LRP1B: variants seen among roughly 807,000 people sequenced by gnomAD.
LRP1B encodes LDL receptor related protein 1B, also known as low-density lipoprotein receptor-related protein 1B.
Under a neutral mutation model 556.6 loss-of-function variants are expected in LRP1B, and 217 were observed. That is an observed-to-expected ratio of 0.39 (90% confidence interval 0.35 to 0.44). LRP1B has a LOEUF of 0.44. LRP1B is among the 20% of genes least tolerant of loss of function. The pLI is 1.00. For missense variants in LRP1B, 5,053 were observed against 5,620.8 expected, an observed-to-expected ratio of 0.90 and a Z score of 3.23; for synonymous variants, 2,047 against 1,865.8, an observed-to-expected ratio of 1.10 and a Z score of -2.50.
At chr2:140,755,749 C>A (rs72984111) in intron 35 of LRP1B, among the ~76,000 whole-genome samples, 2,279 of 151,932 alleles carry the variant, frequency 0.015, 49 homozygotes, top group African/African-American at 0.05. Flanking sequence ...GATATTTACC[C>A]CTTAAGATCA....
At position 140,284,012 on chromosome 2, in the gene LRP1B, A is replaced by G. The variant is rs994151631; in HGVS notation, c.12968-9414T>C. On this transcript the variant is annotated intron_variant, in intron 84 of 90. Coordinates refer to ENST00000389484, the MANE Select transcript of LRP1B (RefSeq NM_018557.3). ...GTGAATAAGCATATGAAGGCCTGAA[A>G]AAAGAATGGAAATGAAGCGTGCAAA... Among the ~76,000 whole-genome samples the G allele has an allele frequency of 3.3e-5, 5 of 151,700 alleles. No homozygotes were observed. In the Admixed American group the frequency reaches 3.3e-4, roughly 10 times the overall value.
intron 66 of LRP1B, among the ~76,000 whole-genome samples, chr2:140,400,049 G>C (rs1684426100): frequency 6.6e-6 from 1 of 152,164 alleles, no homozygotes; most frequent in Non-Finnish European, 1.5e-5. Flanking sequence ...GAGTCCCTTA[G>C]ATGTAGAGAT....
At chr2:140,843,778 G>A (rs567630067) in intron 29 of LRP1B, among the ~76,000 whole-genome samples, 13 of 152,144 alleles carry the variant, frequency 8.5e-5, no homozygotes, top group African/African-American at 2.4e-4. Flanking sequence ...CAATAGAACC[G>A]TACCTGGTCA....
chr2:141,326,261 G>A (rs533601853), intron 3 of LRP1B, among the ~76,000 whole-genome samples: 33 of 152,184 alleles, frequency 2.2e-4, no homozygotes, highest in African/African-American at 7.2e-4. Flanking sequence ...TAAGTGATTT[G>A]ATAAAAGTAT....
At chr2:141,918,201 A>T (rs1479838127) in intron 1 of LRP1B, among the ~76,000 whole-genome samples, 1 of 151,980 alleles carries the variant, frequency 6.6e-6, no homozygotes, top group Non-Finnish European at 1.5e-5. Context: ...GCTTTTGGAA[A>T]CTTCAGTGGA....
At chr2:142,001,434 G>A (rs1191970) in intron 1 of LRP1B, among the ~76,000 whole-genome samples, 56,279 of 152,002 alleles carry the variant, frequency 0.37, 10,695 homozygotes, top group African/African-American at 0.46. Flanking sequence ...TAGGAAAGAA[G>A]GCCAGCACAT....
intron 2 of LRP1B, among the ~76,000 whole-genome samples, chr2:141,596,252 G>GA (rs571971239): frequency 1.3e-5 from 2 of 151,768 alleles, no homozygotes; most frequent in Admixed American, 6.6e-5. Flanking sequence ...AATTAAGAAT[G>GA]AAAAAAATGT....
intron 41 of LRP1B, among the ~76,000 whole-genome samples, chr2:140,688,887 C>T (rs1190803469): frequency 6.6e-6 from 1 of 152,246 alleles, no homozygotes; most frequent in South Asian, 2.1e-4. Context: ...ATCTGACCCA[C>T]CAGCTGGTTA....
At chr2:140,849,994 A>T (rs951146206) in intron 29 of LRP1B, 108 bp downstream of exon 29, 2 of 713,052 alleles carry the variant, frequency 2.8e-6, no homozygotes, top group African/African-American at 3.6e-5. Flanking sequence ...TCTAACTTTC[A>T]ATTAACAGCA....
At chr2:140,716,942 A>C in intron 35 of LRP1B, 126 bp from the exon 36 acceptor site, 2 of 435,646 alleles carry the variant, frequency 4.6e-6, no homozygotes, top group Admixed American at 8.2e-5. Flanking sequence ...ATTTTTAAGT[A>C]TTCTTCAGGA....
chr2:141,393,546 C>T (rs1690132596), intron 3 of LRP1B, among the ~76,000 whole-genome samples: 2 of 152,080 alleles, frequency 1.3e-5, no homozygotes, highest in Admixed American at 6.5e-5. Flanking sequence ...AATAATTATT[C>T]CCTCATCAAG....
intron 35 of LRP1B, among the ~76,000 whole-genome samples, chr2:140,719,425 G>T (rs1345334604): frequency 6.7e-6 from 1 of 150,070 alleles, no homozygotes; most frequent in Non-Finnish European, 1.5e-5. Context: ...AAAAAAAAAG[G>T]TACCCCTTCA....
intron 55 of LRP1B, among the ~76,000 whole-genome samples, chr2:140,501,394 A>T (rs1213620195): frequency 6.6e-6 from 1 of 152,058 alleles, no homozygotes; most frequent in Non-Finnish European, 1.5e-5. Context: ...GTATTTATAC[A>T]GCTATTAACA....
In LRP1B at chr2:140,357,876, A is replaced by G. The variant is rs575106137; in HGVS notation, c.11395+103T>C. 11 of 1,339,712 alleles carry G rather than the reference A, an allele frequency of 8.2e-6. No homozygotes were observed. The South Asian group carries it at 1.4e-4, about 18-fold the overall frequency. 83.0% of individuals were successfully genotyped at this position (1,339,712 alleles called of 1,614,324 possible). On this transcript the variant is annotated intron_variant, in intron 74 of 90. Coordinates refer to ENST00000389484, the MANE Select transcript of LRP1B (RefSeq NM_018557.3). ...TTTTGAAAAAGGGCATCAGTCAAGC[A>G]TACTTTGAAGAGCAATATTTCCATC...
intron 41 of LRP1B, among the ~76,000 whole-genome samples, chr2:140,607,741 T>C (rs1399419661): frequency 6.6e-6 from 1 of 152,052 alleles, no homozygotes; most frequent in Non-Finnish European, 1.5e-5. Context: ...TATGTGAATA[T>C]GTAGATATGG....
chr2:142,051,138 G>A (rs1203401726), intron 1 of LRP1B, among the ~76,000 whole-genome samples: 1 of 152,060 alleles, frequency 6.6e-6, no homozygotes, highest in Non-Finnish European at 1.5e-5. Context: ...AAGTAGAGGA[G>A]TGTGAGGCAG....
intron 89 of LRP1B, 90 bp downstream of exon 89, chr2:140,238,062 C>T: frequency 8.5e-7 from 1 of 1,172,368 alleles, no homozygotes; most frequent in Non-Finnish European, 1.2e-6. Context: ...CTTCAGATAA[C>T]AGAAAAACTT....
At chr2:141,689,250 G>A (rs569571648) in intron 2 of LRP1B, among the ~76,000 whole-genome samples, 1 of 151,850 alleles carries the variant, frequency 6.6e-6, no homozygotes, top group Admixed American at 6.6e-5. Flanking sequence ...TTCATAAGAG[G>A]AATTAAGGAA....
At chr2:141,826,753 CTAAT>C (rs1696943327) in intron 1 of LRP1B, among the ~76,000 whole-genome samples, 1 of 152,136 alleles carries the variant, frequency 6.6e-6, no homozygotes, top group South Asian at 2.1e-4. Flanking sequence ...AAATAAATTA[CTAAT>C]TGAGTAAAAG....
Sources: allele counts gnomAD v4.1 joint callset (sites outside exome capture counted in the v4.1 genomes callset), GRCh38; gene constraint gnomAD v4.1.1; transcripts MANE v1.5; gene names NCBI Gene and HGNC (gene_info 2026-07-23, HGNC 2026-07-21).